The following ANKRD11 variants were observed in gnomAD, a reference collection of about 807,000 sequenced individuals.
The protein encoded by ANKRD11 is ankyrin repeat domain 11, also known as ankyrin repeat domain-containing protein 11.
In ANKRD11, 17 loss-of-function variants were observed where a neutral mutation model predicts 195.7. The ratio of observed to expected loss-of-function variants is 0.09; its 90% CI spans 0.06 to 0.13. The LOEUF is 0.13. Among genes scored for constraint, ANKRD11 ranks in the 10% least tolerant of loss-of-function variants. The pLI, the probability that ANKRD11 is intolerant of heterozygous loss-of-function variation, is 1.00. For missense variants in ANKRD11, 3,735 were observed against 3,566.1 expected, an observed-to-expected ratio of 1.05 and a Z score of -1.21; for synonymous variants, 1,953 against 1,528.1, an observed-to-expected ratio of 1.28 and a Z score of -6.49.
At chr16:89,390,672 G>A (rs774115203) in intron 2 of ANKRD11, among the ~76,000 whole-genome samples, 7 of 152,238 alleles carry the variant, frequency 4.6e-5, no homozygotes, top group East Asian at 1.9e-4. Flanking sequence ...CAAAAGGGAC[G>A]ACAGGTTCTC....
intron 3 of ANKRD11, chr16:89,313,216 C>A (rs572745567): frequency 1.7e-6 from 2 of 1,166,792 alleles, no homozygotes; most frequent in East Asian, 5.8e-5. Flanking sequence ...CTCTGAGTGG[C>A]GTGCATGGAG....
At chr16:89,460,167 G>C (rs1221003073) in intron 1 of ANKRD11, among the ~76,000 whole-genome samples, 1 of 151,342 alleles carries the variant, frequency 6.6e-6, no homozygotes, top group Admixed American at 6.6e-5. Context: ...GAACCTGGGA[G>C]GCCGAGATTG....
intron 1 of ANKRD11, among the ~76,000 whole-genome samples, chr16:89,484,786 T>C (rs2057550274): frequency 6.6e-6 from 1 of 152,202 alleles, no homozygotes; most frequent in South Asian, 2.1e-4. Context: ...GAAATTTTCA[T>C]ATGGTATAAA....
chr16:89,484,232 A>G (rs1189948616), intron 1 of ANKRD11, among the ~76,000 whole-genome samples: 1 of 152,096 alleles, frequency 6.6e-6, no homozygotes, highest in Non-Finnish European at 1.5e-5. Context: ...TTTTACTTTT[A>G]TTTCCTGTTT....
intron 4 of ANKRD11, among the ~76,000 whole-genome samples, chr16:89,293,954 C>T (rs774151890): frequency 1.3e-5 from 2 of 152,156 alleles, no homozygotes; most frequent in Non-Finnish European, 2.9e-5. Flanking sequence ...TGAGGGGCAG[C>T]AAAGAGCTGC....
chr16:89,378,668 C>T (rs543096684), intron 2 of ANKRD11, among the ~76,000 whole-genome samples: 11 of 152,302 alleles, frequency 7.2e-5, no homozygotes, highest in African/African-American at 2.2e-4. Context: ...AGATTTCTGC[C>T]TCCTGGGTTC....
At chr16:89,462,947 G>T (rs1272458108) in intron 1 of ANKRD11, among the ~76,000 whole-genome samples, 3 of 150,954 alleles carry the variant, frequency 2.0e-5, no homozygotes, top group Admixed American at 6.6e-5. Context: ...GGAGGTGGAG[G>T]TGGGGGGGGT....
intron 3 of ANKRD11, among the ~76,000 whole-genome samples, chr16:89,306,941 C>T (rs187984553): frequency 2.6e-5 from 4 of 152,282 alleles, no homozygotes; most frequent in South Asian, 2.1e-4. Flanking sequence ...AGGAGGGAGA[C>T]GGTGCGACAC....
intron 2 of ANKRD11, among the ~76,000 whole-genome samples, chr16:89,388,292 G>GTTTTTTTTTT (rs1567734637): frequency 1.6e-5 from 1 of 61,062 alleles, no homozygotes; most frequent in Admixed American, 1.7e-4. Flanking sequence ...CCATGAGGCT[G>GTTTTTTTTTT]ATTTTTTTTT....
intron 1 of ANKRD11, among the ~76,000 whole-genome samples, chr16:89,432,505 T>C (rs559343834): frequency 3.3e-5 from 5 of 152,294 alleles, no homozygotes; most frequent in African/African-American, 1.2e-4. Flanking sequence ...TCCCTCTCCA[T>C]CTTCCTAGAA....
intron 2 of ANKRD11, among the ~76,000 whole-genome samples, chr16:89,397,188 A>G (rs1166560158): frequency 6.6e-6 from 1 of 152,106 alleles, no homozygotes; most frequent in African/African-American, 2.4e-5. Flanking sequence ...TCCACGTCCA[A>G]CGGCGTCTCA....
Position 89,291,251 on chromosome 16 carries a change from T to C in ANKRD11, c.227-68A>G. On this transcript the variant is annotated intron_variant, in intron 4 of 12. Coordinates refer to ENST00000301030, the MANE Select transcript of ANKRD11 (RefSeq NM_013275.6). The surrounding 1 kb of genome is among the most constrained non-coding windows in gnomAD (Gnocchi z 5.3). ...CATGGTGTCCTCCAAAGCTAGGTCC[T>C]TACCTAATGTTACGGAGCCCCCTGC... The C allele has an allele frequency of 1.9e-6, 3 of 1,580,418 alleles. No homozygotes were observed. The highest frequency in any genetic ancestry group is 2.6e-6 in the Non-Finnish European group (3 of 1,162,060).
intron 1 of ANKRD11, among the ~76,000 whole-genome samples, chr16:89,449,211 T>C (rs1303596168): frequency 6.9e-6 from 1 of 145,058 alleles, no homozygotes; most frequent in Non-Finnish European, 1.5e-5. Context: ...AAAAGAAAAA[T>C]TTGCAGGCAT....
At chr16:89,471,782 CAAAAAAA>C (rs56391654) in intron 1 of ANKRD11, among the ~76,000 whole-genome samples, 6 of 53,500 alleles carry the variant, frequency 1.1e-4, no homozygotes, top group Admixed American at 5.4e-4. Context: ...GACTCTGTCT[CAAAAAAA>C]AAAAAAAAAA....
chr16:89,280,407 G>C lies in ANKRD11; in HGVS notation c.6135C>G (p.Pro2045=), dbSNP rs771427810. The C allele has an allele frequency of 4.5e-6, 7 of 1,562,012 alleles. No homozygotes were observed. Among genetic ancestry groups the C allele is most frequent in the Non-Finnish European group, 4.3e-6 (5 of 1,154,356 alleles). ...EDVKDGVDAV[P]AAISTSEAAP... ...CCGCCTCTGAGGTGGAGATGGCGGC[G>C]GGGACGGCGTCCACTCCGTCCTTGA... Residue 2045 remains proline, a synonymous_variant, in exon 9 of 13, where the codon CCC becomes CCG. Transcript: ENST00000301030.
chr16:89,443,834 CGTG>C (rs2043646351), intron 1 of ANKRD11, among the ~76,000 whole-genome samples: 1 of 152,210 alleles, frequency 6.6e-6, no homozygotes, highest in Non-Finnish European at 1.5e-5. Flanking sequence ...GAACAAGGCC[CGTG>C]AGTGCAGAGC....
At chr16:89,326,437 A>G (rs150478573) in intron 2 of ANKRD11, among the ~76,000 whole-genome samples, 2,244 of 150,422 alleles carry the variant, frequency 0.015, 62 homozygotes, top group African/African-American at 0.052. Context: ...CCCACTGCTC[A>G]ATCTACCCCC....
At chr16:89,324,535 G>A (rs2037579456) in intron 2 of ANKRD11, 1 of 456,028 alleles carries the variant, frequency 2.2e-6, no homozygotes, top group African/African-American at 2.0e-5. Context: ...GATTCACATT[G>A]AGTCAGTGGA....
chr16:89,295,034 AT>A (rs1326291084), intron 4 of ANKRD11, among the ~76,000 whole-genome samples: 1 of 152,250 alleles, frequency 6.6e-6, no homozygotes. Flanking sequence ...ATTTCTATGA[AT>A]TCCAAATGGT....
Sources: gnomAD v4.1 joint callset for allele counts (sites outside exome capture counted in the v4.1 genomes callset) on GRCh38, gnomAD v4.1.1 for gene constraint, Gnocchi (gnomAD v3.1) non-coding constraint, MANE v1.5 for transcripts, NCBI Gene and HGNC (gene_info 2026-07-23, HGNC 2026-07-21) for gene names.